The following NRXN1 variants were observed in gnomAD, a reference collection of about 807,000 sequenced individuals.
NRXN1 encodes the protein neurexin-1.
In NRXN1, 39 loss-of-function variants were observed where a neutral mutation model predicts 150.9. That is an observed-to-expected ratio of 0.26 (90% confidence interval 0.20 to 0.34). The LOEUF is 0.34. NRXN1 is among the 10% of genes least tolerant of loss of function. The probability of loss-of-function intolerance (pLI) is 1.00; values close to 1 mark genes in which losing one functional copy is unlikely to be tolerated. For missense variants in NRXN1, 1,815 were observed against 1,949.9 expected (o/e 0.93, Z 1.30); for synonymous variants, 924 against 757.0 (o/e 1.22, Z -3.62).
chr2:50,522,935 T>C (rs2058752), intron 12 of NRXN1, among the ~76,000 whole-genome samples: 131,288 of 150,832 alleles, frequency 0.87, 57,470 homozygotes, highest in African/African-American at 0.94. Context: ...GGTTTCACCA[T>C]GCTGGTCAGG....
chr2:50,454,829 TATACAC>T (rs2087378408), intron 17 of NRXN1, among the ~76,000 whole-genome samples: 1 of 152,074 alleles, frequency 6.6e-6, no homozygotes, highest in Admixed American at 6.6e-5. Flanking sequence ...AATAAAGACT[TATACAC>T]ATAAAAAGAC....
At chr2:50,183,898 C>T (rs954476375) in intron 18 of NRXN1, among the ~76,000 whole-genome samples, 2 of 151,718 alleles carry the variant, frequency 1.3e-5, no homozygotes, top group Non-Finnish European at 2.9e-5. Flanking sequence ...AGGCAGGCAC[C>T]GGTTGTGCTT....
chr2:50,339,379 T>C (rs2077400346), intron 17 of NRXN1, among the ~76,000 whole-genome samples: 1 of 152,186 alleles, frequency 6.6e-6, no homozygotes, highest in Non-Finnish European at 1.5e-5. Context: ...ACATTTAAAC[T>C]GGGGATCTCA....
intron 5 of NRXN1, among the ~76,000 whole-genome samples, chr2:50,829,002 G>A (rs994903124): frequency 9.2e-5 from 14 of 152,170 alleles, no homozygotes; most frequent in Admixed American, 5.2e-4. Flanking sequence ...CGAGGCTGGC[G>A]GATCACTCGC....
intron 2 of NRXN1, among the ~76,000 whole-genome samples, chr2:50,959,042 AG>A (rs1403372901): frequency 1.3e-5 from 2 of 152,096 alleles, no homozygotes; most frequent in African/African-American, 4.8e-5. Context: ...TATGATCTAT[AG>A]TTTTTTAAGT....
intron 19 of NRXN1, 21 bp downstream of exon 19, chr2:50,091,302 G>T (rs200708986): frequency 6.2e-7 from 1 of 1,613,380 alleles, no homozygotes; most frequent in African/African-American, 1.3e-5. Context: ...ATCTTCCCCC[G>T]ATACATATTC....
intron 17 of NRXN1, among the ~76,000 whole-genome samples, chr2:50,399,165 T>G (rs2082236851): frequency 6.6e-6 from 1 of 152,120 alleles, no homozygotes; most frequent in East Asian, 1.9e-4. Flanking sequence ...TAGTAATTTT[T>G]TAAGAGACGA....
intron 2 of NRXN1, among the ~76,000 whole-genome samples, chr2:50,971,976 A>C (rs1024035782): frequency 6.6e-6 from 1 of 152,152 alleles, no homozygotes; most frequent in Non-Finnish European, 1.5e-5. Flanking sequence ...CTTAATATAC[A>C]TCACTTCCTT....
intron 17 of NRXN1, among the ~76,000 whole-genome samples, chr2:50,284,157 T>C (rs1318599314): frequency 6.6e-6 from 1 of 152,202 alleles, no homozygotes; most frequent in Non-Finnish European, 1.5e-5. Context: ...GACATAACAC[T>C]GGTACAGTGA....
At chr2:50,499,170 T>G (rs1264497687) in intron 13 of NRXN1, among the ~76,000 whole-genome samples, 1 of 152,174 alleles carries the variant, frequency 6.6e-6, no homozygotes, top group Admixed American at 6.5e-5. Context: ...GTTTATATGT[T>G]TGCTTAAGTG....
At chr2:50,723,387 T>A (rs1452399774) in intron 5 of NRXN1, among the ~76,000 whole-genome samples, 1 of 152,350 alleles carries the variant, frequency 6.6e-6, no homozygotes, top group East Asian at 1.9e-4. Context: ...TGCCCAGGTC[T>A]GTTTTTCTTC....
chr2:50,666,696 G>A (rs1000875602), intron 5 of NRXN1, among the ~76,000 whole-genome samples: 2 of 151,882 alleles, frequency 1.3e-5, no homozygotes, highest in Non-Finnish European at 2.9e-5. Context: ...CCATCATTCA[G>A]AATAGATTAT....
intron 12 of NRXN1, among the ~76,000 whole-genome samples, chr2:50,524,450 G>C (rs143904812): frequency 3.5e-3 from 525 of 151,488 alleles, no homozygotes; most frequent in Non-Finnish European, 5.3e-3. Context: ...CTGCACTCCA[G>C]CCTGGATGAG....
At chr2:50,750,981 C>A (rs1308733301) in intron 5 of NRXN1, among the ~76,000 whole-genome samples, 1 of 151,808 alleles carries the variant, frequency 6.6e-6, no homozygotes, top group Non-Finnish European at 1.5e-5. Context: ...GCAATAAGAA[C>A]AAATTTTGAA....
intron 2 of NRXN1, among the ~76,000 whole-genome samples, chr2:50,944,116 AC>A (rs897661533): frequency 5.9e-5 from 9 of 152,310 alleles, no homozygotes; most frequent in Admixed American, 4.6e-4. Flanking sequence ...TTGTTTTTTC[AC>A]TTGGCTAAAA....
At chr2:49,964,744 G>A (rs911216868) in intron 21 of NRXN1, among the ~76,000 whole-genome samples, 3 of 152,076 alleles carry the variant, frequency 2.0e-5, no homozygotes, top group Admixed American at 2.0e-4. Flanking sequence ...GGGAGGCTGA[G>A]GTGGGAGAAT....
At chr2:50,489,260 C>A (rs13402154) in intron 15 of NRXN1, among the ~76,000 whole-genome samples, 8,254 of 152,124 alleles carry the variant, frequency 0.054, 779 homozygotes, top group African/African-American at 0.19. Flanking sequence ...AAGAAACCAG[C>A]CCCAGGGCTT....
In NRXN1 at chr2:50,053,323, G is replaced by A; in HGVS notation, c.4076C>T (p.Ala1359Val). 1 of 1,614,022 alleles carries A rather than the reference G, an allele frequency of 6.2e-7. No individual in the cohort carries two copies. Among genetic ancestry groups the A allele is most frequent in the Non-Finnish European group, 8.5e-7 (1 of 1,179,914 alleles). The change falls in exon 21 of 23, where the codon GCT becomes GTT. Residue 1359 changes from alanine (A) to valine (V), a missense_variant. Around this residue, in one of 6 missense-constraint regions of NRXN1, gnomAD observed 265 missense variants for 307.1 expected, o/e 0.86. Coordinates refer to ENST00000401669, the MANE Select transcript of NRXN1 (RefSeq NM_001330078.2). ...CTTTCCTCTTCTGGCTGTGCTAGTA[G>A]CCAGGGTCGTGGTAGTCTCCATAAT... ...TSIMETTTTL[A>V]TSTARRGKPP...
At chr2:50,457,137 C>T (rs957500531) in intron 17 of NRXN1, among the ~76,000 whole-genome samples, 1 of 152,036 alleles carries the variant, frequency 6.6e-6, no homozygotes, top group African/African-American at 2.4e-5. Flanking sequence ...TTTTTAATAA[C>T]AGAGCTGGAA....
Sources: gnomAD v4.1 joint callset for allele counts (sites outside exome capture counted in the v4.1 genomes callset) on GRCh38, gnomAD v4.1.1 for gene constraint, gnomAD v4.1.1 regional missense constraint, MANE v1.5 for transcripts, NCBI Gene and HGNC (gene_info 2026-07-23, HGNC 2026-07-21) for gene names.